The following IGSF10 variants were observed in gnomAD, a reference collection of about 807,000 sequenced individuals.
IGSF10 encodes immunoglobulin superfamily member 10.
IGSF10 carries 126 observed loss-of-function variants against 128.2 expected under a neutral mutation model. The ratio of observed to expected loss-of-function variants is 0.98; its 90% CI spans 0.85 to 1.14. IGSF10 has a LOEUF of 1.14. Ranked by LOEUF, IGSF10 falls within the 50% of genes most tolerant of loss-of-function variation. IGSF10 has a pLI of 0.00. For synonymous variants in IGSF10, 1,185 were observed against 1,146.2 expected (o/e 1.03, Z -0.68); for missense variants, 3,295 against 3,149.8 (o/e 1.05, Z -1.10).
chr3:151,494,916 A>T, the IGSF10 span, among the ~76,000 whole-genome samples: 3 of 152,022 alleles, frequency 2.0e-5, no homozygotes, highest in East Asian at 1.9e-4. Flanking sequence ...TTTTTCAGAA[A>T]CCTTCTGGGA....
At chr3:151,561,665 A>G in the IGSF10 span, among the ~76,000 whole-genome samples, 1 of 152,180 alleles carries the variant, frequency 6.6e-6, no homozygotes, top group African/African-American at 2.4e-5. Context: ...AGATATCCTG[A>G]TAAAGAAAGA....
At chr3:151,606,044 A>G in the IGSF10 span, among the ~76,000 whole-genome samples, 7 of 152,142 alleles carry the variant, frequency 4.6e-5, no homozygotes, top group African/African-American at 1.7e-4. Flanking sequence ...ATCTGAACCA[A>G]TTTCACTGGG....
the IGSF10 span, among the ~76,000 whole-genome samples, chr3:151,520,732 A>C: frequency 6.6e-6 from 1 of 151,914 alleles, no homozygotes; most frequent in Non-Finnish European, 1.5e-5. Context: ...TGAAAGGATC[A>C]CTAAATATAG....
chr3:151,476,521 C>T, the IGSF10 span, among the ~76,000 whole-genome samples: 5 of 152,086 alleles, frequency 3.3e-5, no homozygotes, highest in East Asian at 1.9e-4. Flanking sequence ...GGGTATCTTC[C>T]GGCCAGAGGA....
At chr3:151,566,097 G>C in the IGSF10 span, 3 of 152,944 alleles carry the variant, frequency 2.0e-5, no homozygotes, top group Non-Finnish European at 2.9e-5. Context: ...GCCACAAAGT[G>C]AGGCCCTAGC....
At chr3:151,496,203 T>C in the IGSF10 span, among the ~76,000 whole-genome samples, 1 of 111,092 alleles carries the variant, frequency 9.0e-6, no homozygotes, top group South Asian at 3.4e-4. Context: ...TCTGAAGCAG[T>C]ATTTTTTTTT....
the IGSF10 span, among the ~76,000 whole-genome samples, chr3:151,506,175 G>A: frequency 3.9e-5 from 6 of 152,034 alleles, no homozygotes; most frequent in South Asian, 4.2e-4. Context: ...GGATGGTCTC[G>A]ATCTCCTGAC....
the IGSF10 span, among the ~76,000 whole-genome samples, chr3:151,537,095 C>A: frequency 6.6e-6 from 1 of 152,064 alleles, no homozygotes; most frequent in Non-Finnish European, 1.5e-5. Flanking sequence ...TATGGGGGGA[C>A]TGTGAGGGAA....
At chr3:151,545,870 G>C in the IGSF10 span, among the ~76,000 whole-genome samples, 1 of 152,028 alleles carries the variant, frequency 6.6e-6, no homozygotes, top group East Asian at 1.9e-4. Context: ...GAAGCAAAAG[G>C]GTGCTGAAGG....
chr3:151,516,087 C>T, the IGSF10 span, among the ~76,000 whole-genome samples: 84,758 of 151,768 alleles, frequency 0.56, 25,104 homozygotes, highest in East Asian at 0.8. Flanking sequence ...AACTCAAAGA[C>T]TGGATCTTCT....
At chr3:151,517,807 C>T in the IGSF10 span, among the ~76,000 whole-genome samples, 4 of 151,956 alleles carry the variant, frequency 2.6e-5, no homozygotes, top group African/African-American at 9.7e-5. Context: ...CAAACTAAGA[C>T]TTTAAGGAAA....
At chr3:151,456,305 G>A (rs902611425) in intron 4 of IGSF10, among the ~76,000 whole-genome samples, 1 of 152,138 alleles carries the variant, frequency 6.6e-6, no homozygotes, top group Admixed American at 6.5e-5. Flanking sequence ...GGATATTATT[G>A]ACTTTATTTT....
the IGSF10 span, among the ~76,000 whole-genome samples, chr3:151,498,654 A>T: frequency 6.6e-6 from 1 of 152,146 alleles, no homozygotes; most frequent in African/African-American, 2.4e-5. Context: ...TGTTAGATAA[A>T]GTTATACAAG....
chr3:151,619,800 G>GATAGGTTAATGGGTTA, the IGSF10 span, among the ~76,000 whole-genome samples: 12 of 152,100 alleles, frequency 7.9e-5, no homozygotes, highest in African/African-American at 2.7e-4. Flanking sequence ...TTAATGGGTT[G>GATAGGTTAATGGGTTA]ATAGGTTAAT....
downstream of IGSF10, chr3:151,436,060 G>T (rs896291057): frequency 3.3e-5 from 5 of 152,100 alleles, no homozygotes; most frequent in African/African-American, 1.2e-4. Context: ...TTTATGATGT[G>T]CAGGTATTAC....
At chr3:151,563,335 A>C in the IGSF10 span, among the ~76,000 whole-genome samples, 3 of 152,016 alleles carry the variant, frequency 2.0e-5, no homozygotes, top group African/African-American at 7.2e-5. Flanking sequence ...GCATCAACTA[A>C]CTAGAATAAC....
chr3:151,535,594 T>C, the IGSF10 span, among the ~76,000 whole-genome samples: 2 of 152,148 alleles, frequency 1.3e-5, no homozygotes, highest in Non-Finnish European at 2.9e-5. Flanking sequence ...GAATCTAAAA[T>C]AAAAGTTAAA....
At chr3:151,507,578 G>A in the IGSF10 span, among the ~76,000 whole-genome samples, 6 of 152,050 alleles carry the variant, frequency 3.9e-5, no homozygotes, top group South Asian at 6.2e-4. Flanking sequence ...ACTTACAATC[G>A]TGGCAGAAGG....
the IGSF10 span, among the ~76,000 whole-genome samples, chr3:151,568,555 C>T: frequency 6.6e-6 from 1 of 152,126 alleles, no homozygotes; most frequent in Non-Finnish European, 1.5e-5. Flanking sequence ...CTTTATAAAA[C>T]CCTGCTTCAC....
Sources: allele counts gnomAD v4.1 joint callset (sites outside exome capture counted in the v4.1 genomes callset), GRCh38; gene constraint gnomAD v4.1.1; transcripts MANE v1.5; gene names NCBI Gene and HGNC (gene_info 2026-07-23, HGNC 2026-07-21).